DTD1: variants seen among roughly 807,000 people sequenced by gnomAD.
The protein encoded by DTD1 is D-aminoacyl-tRNA deacylase 1.
DTD1 carries 13 observed loss-of-function variants against 25.6 expected under a neutral mutation model. That is an observed-to-expected ratio of 0.51 (90% CI 0.33 to 0.81). DTD1 has a LOEUF of 0.81. DTD1 is among the 30% of genes least tolerant of loss of function. DTD1 has a pLI of 0.02. For synonymous variants in DTD1, 110 were observed against 103.6 expected (o/e 1.06, Z -0.37); for missense variants, 193 against 266.4 (o/e 0.72, Z 1.92).
chr20:18,646,060 G>A (rs115606507), intron 4 of DTD1, among the ~76,000 whole-genome samples: 3,063 of 152,286 alleles, frequency 0.02, 52 homozygotes, highest in African/African-American at 0.024. Flanking sequence ...GTTGTTAGGC[G>A]TCTACCTCAC....
intron 4 of DTD1, among the ~76,000 whole-genome samples, chr20:18,699,434 C>CAGGG (rs2061093545): frequency 6.6e-6 from 1 of 152,176 alleles, no homozygotes; most frequent in East Asian, 1.9e-4. Context: ...AACAGGCTAA[C>CAGGG]AGGGACATGG....
intron 4 of DTD1, among the ~76,000 whole-genome samples, chr20:18,640,751 C>T (rs1049044124): frequency 2.3e-4 from 35 of 151,952 alleles, no homozygotes; most frequent in African/African-American, 7.3e-4. Flanking sequence ...CTGCCTCAGC[C>T]TCCCGAGTAG....
rs570214555 is a variant in DTD1, at chr20:18,676,030, A to G, written c.477+47797A>G. On this transcript the variant is annotated intron_variant, in intron 4 of 5. Coordinates refer to ENST00000377452, the MANE Select transcript of DTD1 (RefSeq NM_080820.6). ...CTACTATTCTGCCATAAGACATATC[A>G]TAGTTTATTTAGCGAAATCACTGTT... 3.3e-5 allele frequency among the ~76,000 whole-genome samples: 5 copies of G among 152,274 alleles called. No homozygotes were observed. The South Asian group carries it at 1.0e-3, about 32-fold the overall frequency.
chr20:18,745,258 G>T (rs953991440), intron 5 of DTD1, among the ~76,000 whole-genome samples: 3 of 152,164 alleles, frequency 2.0e-5, no homozygotes, highest in Admixed American at 6.5e-5. Context: ...GCTCACTGTA[G>T]CACGGAGTCC....
In DTD1 at chr20:18,749,039, A is replaced by T. The variant is rs1174305324; in HGVS notation, c.*19+4768A>T. 6.6e-6 allele frequency among the ~76,000 whole-genome samples: 1 copy of T among 152,146 alleles called. No homozygotes were observed. Among genetic ancestry groups the T allele is most frequent in the Admixed American group, 6.5e-5 (1 of 15,270 alleles). On this transcript the variant is annotated intron_variant, in intron 5 of 5. Coordinates refer to ENST00000377452, the MANE Select transcript of DTD1 (RefSeq NM_080820.6). The surrounding 1 kb of genome is among the most constrained non-coding windows in gnomAD (Gnocchi z 4.2). ...CAAAAGAGGAGGAAGAGGGCAATGG[A>T]GGGAAGTTCCTGGCTGGCCTCAGCC... is the stretch of plus-strand genomic sequence containing the variant.
intron 5 of DTD1, among the ~76,000 whole-genome samples, chr20:18,744,803 C>T (rs1436260354): frequency 3.3e-5 from 5 of 151,992 alleles, no homozygotes; most frequent in African/African-American, 9.7e-5. Flanking sequence ...ATAATTTCCA[C>T]GTGTGTGTTC....
At chr20:18,681,857 TAAATG>T (rs2060998481) in intron 4 of DTD1, among the ~76,000 whole-genome samples, 1 of 151,902 alleles carries the variant, frequency 6.6e-6, no homozygotes. Context: ...CAGGGAAAGA[TAAATG>T]AAAGTAAAAT....
chr20:18,685,815 A>T (rs1057067169), intron 4 of DTD1, among the ~76,000 whole-genome samples: 1 of 152,212 alleles, frequency 6.6e-6, no homozygotes, highest in African/African-American at 2.4e-5. Context: ...GTCACACTGA[A>T]CAATGGGAAT....
chr20:18,734,746 G>A (rs1187147191), intron 4 of DTD1, among the ~76,000 whole-genome samples: 1 of 152,216 alleles, frequency 6.6e-6, no homozygotes, highest in Admixed American at 6.5e-5. Flanking sequence ...CACACAGCAT[G>A]GTTTAAGTGA....
intron 4 of DTD1, among the ~76,000 whole-genome samples, chr20:18,629,933 C>A (rs972002501): frequency 6.6e-6 from 1 of 151,988 alleles, no homozygotes; most frequent in African/African-American, 2.4e-5. Context: ...AAGTCTACCC[C>A]CATGATCCAG....
chr20:18,590,557 G>T (rs548380725), intron 1 of DTD1, among the ~76,000 whole-genome samples: 2 of 152,256 alleles, frequency 1.3e-5, no homozygotes, highest in African/African-American at 4.8e-5. Context: ...TGCAGCCTCT[G>T]CCTCCTGGGT....
intron 4 of DTD1, among the ~76,000 whole-genome samples, chr20:18,662,601 TA>T (rs1444190080): frequency 6.6e-6 from 1 of 152,338 alleles, no homozygotes; most frequent in East Asian, 1.9e-4. Flanking sequence ...ACCAAAATGC[TA>T]ATCAGTAGAG....
At chr20:18,693,336 T>TAATAGAAAAGTC (rs2061055646) in intron 4 of DTD1, among the ~76,000 whole-genome samples, 1 of 152,232 alleles carries the variant, frequency 6.6e-6, no homozygotes, top group Non-Finnish European at 1.5e-5. Flanking sequence ...ACATTGTTTG[T>TAATAGAAAAGTC]TGTTTTCTGC....
chr20:18,621,063 A>G (rs1050006223), intron 3 of DTD1, among the ~76,000 whole-genome samples: 11 of 152,238 alleles, frequency 7.2e-5, no homozygotes, highest in African/African-American at 2.7e-4. Context: ...GAATTTTGCC[A>G]GTTGTCCCAC....
chr20:18,690,900 A>G (rs980355783), intron 4 of DTD1, among the ~76,000 whole-genome samples: 1 of 152,220 alleles, frequency 6.6e-6, no homozygotes, highest in Non-Finnish European at 1.5e-5. Flanking sequence ...GTATTTTGAT[A>G]GAAATGGCAT....
chr20:18,741,405 G>A (rs2061277673), intron 4 of DTD1, among the ~76,000 whole-genome samples: 1 of 152,188 alleles, frequency 6.6e-6, no homozygotes, highest in Admixed American at 6.5e-5. Flanking sequence ...TACTGTTGCT[G>A]GTCCAGGTGT....
At position 18,708,298 on chromosome 20, in the gene DTD1, A is replaced by T. The variant is rs868468711; in HGVS notation, c.478-35802A>T. Among the ~76,000 whole-genome samples, 81 of 43,180 alleles carry T rather than the reference A, an allele frequency of 1.9e-3. 1 individual carries two copies. Among genetic ancestry groups the T allele is most frequent in the African/African-American group, 4.7e-3 (51 of 10,778 alleles). The allele number at this position is 43,180 out of a possible 152,430, so 28.3% of individuals were successfully genotyped here. A position where few individuals can be genotyped will look rare whatever the true frequency, so the allele number is the denominator to read the frequency against. ...ATATAATATATATTATATATATATA[A>T]TATATATATTTTATATATATATTAT... On this transcript the variant is annotated intron_variant, in intron 4 of 5. Transcript: ENST00000377452.
chr20:18,690,533 A>AG (rs1254555417), intron 4 of DTD1, among the ~76,000 whole-genome samples: 1 of 152,222 alleles, frequency 6.6e-6, no homozygotes, highest in Non-Finnish European at 1.5e-5. Flanking sequence ...GGTGAAAGGT[A>AG]GGGGTCCAGT....
chr20:18,588,853 T>A, intron 1 of DTD1: 2 of 985,414 alleles, frequency 2.0e-6, no homozygotes, highest in Non-Finnish European at 1.2e-6. Flanking sequence ...ATGATTAGTG[T>A]AGATAAAGTA....
Sources: allele counts gnomAD v4.1 joint callset (sites outside exome capture counted in the v4.1 genomes callset), GRCh38; gene constraint gnomAD v4.1.1; non-coding constraint Gnocchi (gnomAD v3.1); transcripts MANE v1.5; gene names NCBI Gene and HGNC (gene_info 2026-07-23, HGNC 2026-07-21).